TIAM2: variants seen among roughly 807,000 people sequenced by gnomAD.
TIAM2 encodes rho guanine nucleotide exchange factor TIAM2.
In TIAM2, 80 loss-of-function variants were observed where a neutral mutation model predicts 152.9. The ratio of observed to expected loss-of-function variants is 0.52; its 90% CI spans 0.44 to 0.63. The LOEUF is 0.63. Among genes scored for constraint, TIAM2 ranks in the 30% least tolerant of loss-of-function variants. The pLI is 0.00. For synonymous variants in TIAM2, 804 were observed against 838.0 expected (o/e 0.96, Z 0.70); for missense variants, 1,965 against 2,120.1 (o/e 0.93, Z 1.44).
intron 1 of TIAM2, among the ~76,000 whole-genome samples, chr6:155,021,828 G>A (rs550881806): frequency 1.3e-5 from 2 of 152,190 alleles, no homozygotes; most frequent in African/African-American, 4.8e-5. Flanking sequence ...TGTTGCATGT[G>A]AGACGCAGTC....
intron 1 of TIAM2, among the ~76,000 whole-genome samples, chr6:155,053,466 C>CTT (rs11401916): frequency 0.065 from 8,288 of 127,190 alleles, 837 homozygotes; most frequent in African/African-American, 0.22. Flanking sequence ...ATTCTTGCAG[C>CTT]TTTTTTTTTT....
chr6:155,230,247 G>A (rs376256520), intron 15 of TIAM2, among the ~76,000 whole-genome samples: 5 of 152,280 alleles, frequency 3.3e-5, no homozygotes, highest in East Asian at 1.9e-4. Flanking sequence ...CATGCCCCTC[G>A]TCTTTGTGGT....
At chr6:155,080,964 C>T (rs995602381) in intron 1 of TIAM2, among the ~76,000 whole-genome samples, 1 of 152,144 alleles carries the variant, frequency 6.6e-6, no homozygotes, top group Middle Eastern at 3.2e-3. Context: ...CTGGAGAGGT[C>T]TGTAGCACTC....
chr6:155,241,366 C>A (rs541402830), intron 16 of TIAM2, among the ~76,000 whole-genome samples: 1 of 152,182 alleles, frequency 6.6e-6, no homozygotes. Flanking sequence ...ATTTGAAGCT[C>A]GCTTCATTTG....
intron 1 of TIAM2, among the ~76,000 whole-genome samples, chr6:155,011,124 G>GACCAAAACCAAA (rs1391445419): frequency 6.6e-6 from 1 of 151,974 alleles, no homozygotes; most frequent in Admixed American, 6.6e-5. Context: ...AACATGGAAT[G>GACCAAAACCAAA]ACCAAAACCA....
chr6:155,106,783 G>A (rs1271728964), intron 2 of TIAM2, among the ~76,000 whole-genome samples: 1 of 152,226 alleles, frequency 6.6e-6, no homozygotes, highest in Non-Finnish European at 1.5e-5. Flanking sequence ...ATTATGGAAT[G>A]CAGGCCCAAC....
In TIAM2 at chr6:155,208,842, C is replaced by T. The variant is rs80106344; in HGVS notation, c.3065-2362C>T. On this transcript the variant is annotated intron_variant, in intron 14 of 26. Transcript: ENST00000682666. ...GTGACTTTCTTGTCCTCCATCCATC[C>T]GTCCATCGAGGACACTCTTCCATCT... is the stretch of plus-strand genomic sequence containing the variant. Among the ~76,000 whole-genome samples, 673 of 152,056 alleles carry T rather than the reference C, an allele frequency of 4.4e-3. 1 individual carries two copies. Among genetic ancestry groups the T allele is most frequent in the African/African-American group, 0.016 (647 of 41,466 alleles).
In TIAM2 at chr6:155,137,372, C is replaced by T. The variant is rs1008707067; in HGVS notation, c.1390C>T (p.Arg464Ter). ...GCAGAACATTTATGAGAATTTCATG[C>T]GAGAGTTGGAAATGAGCAGGACCAA... Reference protein sequence around the residue: ...LRQNIYENFMRELEMSRTNTE... With the variant: ...LRQNIYENFM Residue 464 changes from arginine to a stop codon, truncating the protein, a stop_gained, in exon 5 of 27, where the codon CGA becomes TGA. Transcript: ENST00000682666. LOFTEE classifies it high-confidence loss of function. 6 of 1,614,026 alleles carry T rather than the reference C, an allele frequency of 3.7e-6. 1 individual carries two copies. Among genetic ancestry groups the T allele is most frequent in the East Asian group, 2.2e-5 (1 of 44,898 alleles).
At chr6:155,200,959 C>T (rs1006781593) in intron 14 of TIAM2, among the ~76,000 whole-genome samples, 4 of 151,994 alleles carry the variant, frequency 2.6e-5, no homozygotes, top group African/African-American at 2.4e-5. Flanking sequence ...AGAAGTCACT[C>T]CTTATCCTCC....
chr6:155,196,276 T>C (rs1276455484), intron 14 of TIAM2, among the ~76,000 whole-genome samples: 1 of 152,030 alleles, frequency 6.6e-6, no homozygotes, highest in African/African-American at 2.4e-5. Flanking sequence ...AATAGGAAGA[T>C]GGGTGTGGAG....
Position 155,218,973 on chromosome 6 carries a change from CCCACCCG to C in TIAM2, c.3168+7667_3168+7673del, listed in dbSNP as rs1781951616. 1.6e-5 allele frequency among the ~76,000 whole-genome samples: 2 copies of C among 128,790 alleles called. No individual in the cohort carries two copies. The highest frequency in any genetic ancestry group is 8.1e-5 in the Admixed American group (1 of 12,330). The allele number at this position is 128,790 out of a possible 152,430, so 84.5% of individuals were successfully genotyped here. A position where few individuals can be genotyped will look rare whatever the true frequency, so the allele number is the denominator to read the frequency against. On this transcript the variant is annotated intron_variant, in intron 15 of 26. Transcript: ENST00000682666. This position sits in a 1 kb window ranked among gnomAD's most constrained non-coding sequence, Gnocchi z 4.5. Reference sequence around the variant, plus strand: ...CCCGTGTTCTTGACCATCTCAGCCGCCCACCCGTGTTCTTGACCATCTCAGCCGTGTT... The same window carrying C: ...CCCGTGTTCTTGACCATCTCAGCCGCTGTTCTTGACCATCTCAGCCGTGTT...
At position 155,085,161 on chromosome 6, in the gene TIAM2, A is replaced by T. The variant is rs1243194030; in HGVS notation, c.-208-5128A>T. On this transcript the variant is annotated intron_variant, in intron 1 of 26. Coordinates refer to ENST00000682666, the MANE Select transcript of TIAM2 (RefSeq NM_012454.4). The stretch of plus-strand genomic sequence containing the variant: ...CTGTATTGTTTTCTTACAAACATTG[A>T]GTCGAATCTCTGAATTGATAAGCTG... Among the ~76,000 whole-genome samples the T allele has an allele frequency of 2.6e-5, 4 of 152,168 alleles. No individual in the cohort carries two copies. In the South Asian group the frequency reaches 6.2e-4, roughly 24 times the overall value.
intron 2 of TIAM2, among the ~76,000 whole-genome samples, chr6:155,114,244 G>A (rs144017295): frequency 0.023 from 3,464 of 150,634 alleles, 134 homozygotes; most frequent in African/African-American, 0.08. Context: ...TTGTAGAGAT[G>A]GGGTTTCACT....
chr6:155,217,936 C>T (rs1781904345), intron 15 of TIAM2, among the ~76,000 whole-genome samples: 1 of 152,102 alleles, frequency 6.6e-6, no homozygotes, highest in Admixed American at 6.5e-5. Flanking sequence ...CTTGGCTTAA[C>T]CTTTTGAGTT....
rs1297927951 is a variant in TIAM2 at position 155,256,702 on chromosome 6, A to G, written c.4687A>G (p.Lys1563Glu). 6.2e-7 allele frequency: 1 copy of G among 1,614,042 alleles called. No individual in the cohort carries two copies. Among genetic ancestry groups the G allele is most frequent in the African/African-American group, 1.3e-5 (1 of 74,918 alleles). ...GLADFADNLIKESDILSDEDD... is the reference protein window; with the variant it reads ...GLADFADNLIEESDILSDEDD... ...GGCAGATTTTGCCGACAATCTCATCAAAGAGAGTGACATCCTGAGCGATGA... is the reference window on the plus strand; with the variant it reads ...GGCAGATTTTGCCGACAATCTCATCGAAGAGAGTGACATCCTGAGCGATGA... The change falls in exon 27 of 27, where the codon AAA becomes GAA. Residue 1563 changes from lysine to glutamate, a missense_variant. By Grantham distance (56) the Lys-to-Glu change is moderately conservative. Transcript: ENST00000682666.
At chr6:155,085,674 A>G (rs986653081) in intron 1 of TIAM2, among the ~76,000 whole-genome samples, 1 of 152,238 alleles carries the variant, frequency 6.6e-6, no homozygotes, top group African/African-American at 2.4e-5. Context: ...ACTTTTCATC[A>G]CAAAGCTCAA....
intron 16 of TIAM2, among the ~76,000 whole-genome samples, chr6:155,241,237 G>A (rs189625569): frequency 6.6e-5 from 10 of 152,290 alleles, no homozygotes; most frequent in Admixed American, 2.6e-4. Context: ...TTGAGTACCC[G>A]AAGAATTCAT....
intron 1 of TIAM2, among the ~76,000 whole-genome samples, chr6:155,082,072 A>G (rs1437974148): frequency 6.6e-6 from 1 of 152,144 alleles, no homozygotes. Context: ...GGCCAGGCGC[A>G]GTCGCTTACA....
intron 14 of TIAM2, among the ~76,000 whole-genome samples, chr6:155,210,513 G>A (rs572091411): frequency 5.3e-5 from 8 of 150,870 alleles, no homozygotes; most frequent in South Asian, 2.1e-4. Flanking sequence ...TCAATTTCTC[G>A]TAGAGACACT....
Sources: gnomAD v4.1 joint callset for allele counts (sites outside exome capture counted in the v4.1 genomes callset) on GRCh38, gnomAD v4.1.1 for gene constraint, Gnocchi (gnomAD v3.1) non-coding constraint, MANE v1.5 for transcripts, NCBI Gene and HGNC (gene_info 2026-07-23, HGNC 2026-07-21) for gene names.